The following CREM variants were observed in gnomAD, a reference collection of about 807,000 sequenced individuals.
CREM encodes the protein cAMP responsive element modulator, also known as cAMP-responsive element modulator.
CREM carries 13 observed loss-of-function variants against 37.3 expected under a neutral mutation model. The observed-to-expected ratio is 0.35, with a 90% CI of 0.23 to 0.55. CREM has a LOEUF of 0.55. Among genes scored for constraint, CREM ranks in the 20% least tolerant of loss-of-function variants. The probability of loss-of-function intolerance (pLI) is 0.88; values close to 1 mark genes in which losing one functional copy is unlikely to be tolerated. For missense variants in CREM, 296 were observed against 362.3 expected, an observed-to-expected ratio of 0.82 and a Z score of 1.49; for synonymous variants, 124 against 120.2, an observed-to-expected ratio of 1.03 and a Z score of -0.21.
At chr10:35,181,485 G>C (rs992154715) in intron 5 of CREM, among the ~76,000 whole-genome samples, 3 of 152,164 alleles carry the variant, frequency 2.0e-5, no homozygotes, top group East Asian at 1.9e-4. Flanking sequence ...ACAGCAGGGG[G>C]CTGGCCTTAA....
chr10:35,186,758 TTA>T (rs1286419101), intron 5 of CREM, among the ~76,000 whole-genome samples: 2 of 131,554 alleles, frequency 1.5e-5, no homozygotes, highest in East Asian at 2.2e-4. Context: ...TTATATATAG[TTA>T]TATATAATAT....
At chr10:35,181,337 T>C (rs532042514) in intron 5 of CREM, among the ~76,000 whole-genome samples, 2 of 152,170 alleles carry the variant, frequency 1.3e-5, no homozygotes, top group South Asian at 4.2e-4. Context: ...TGGGTAAAAG[T>C]AGGGGGAAAA....
chr10:35,159,838 G>A (rs918417940), intron 3 of CREM, among the ~76,000 whole-genome samples: 1 of 152,128 alleles, frequency 6.6e-6, no homozygotes, highest in South Asian at 2.1e-4. Flanking sequence ...GTTAATATCC[G>A]AAACACAGAA....
rs567229829 is a variant in CREM, at chr10:35,172,690, T to A, written c.169-6199T>A. 6.7e-5 allele frequency among the ~76,000 whole-genome samples: 10 copies of A among 149,652 alleles called. No individual in the cohort carries two copies. In the South Asian group the frequency reaches 2.1e-3, roughly 32 times the overall value. On this transcript the variant is annotated intron_variant, in intron 3 of 7. Coordinates refer to ENST00000685392, the MANE Select transcript of CREM (RefSeq NM_183011.2). ...TGTTTTGATATTCTGTGTCCTGAAG[T>A]GGGACAGCTGCAGAAAGCACCCCCC...
At chr10:35,139,525 C>A (rs999100820) in intron 2 of CREM, among the ~76,000 whole-genome samples, 1 of 151,986 alleles carries the variant, frequency 6.6e-6, no homozygotes, top group South Asian at 2.1e-4. Context: ...TGTTTGTTTT[C>A]GTTTTTATTG....
At chr10:35,209,351 G>T (rs535966548) in intron 7 of CREM, 30 of 985,118 alleles carry the variant, frequency 3.0e-5, no homozygotes, top group Non-Finnish European at 3.5e-5. Context: ...CTTCCTCTCC[G>T]TGCTGAGGAT....
At chr10:35,164,487 TTA>T (rs1389631719) in intron 3 of CREM, among the ~76,000 whole-genome samples, 2 of 152,242 alleles carry the variant, frequency 1.3e-5, no homozygotes, top group African/African-American at 2.4e-5. Context: ...TTGCTTAAAA[TTA>T]TATGTTTTAT....
rs1353122055 is a variant in CREM, at chr10:35,182,695, AGT to A, written c.409+3421_409+3422del. Among the ~76,000 whole-genome samples the A allele has an allele frequency of 4.6e-5, 7 of 152,318 alleles. No homozygotes were observed. The East Asian group carries it at 9.6e-4, about 21-fold the overall frequency. ...CTTACTATTATCACAAAAACTAAAA[AGT>A]GAAAGTTGGAATAGGCTGCTCCCTG... On this transcript the variant is annotated intron_variant, in intron 5 of 7. Transcript: ENST00000685392.
At chr10:35,147,089 C>T (rs1209167919) in intron 2 of CREM, among the ~76,000 whole-genome samples, 4 of 129,896 alleles carry the variant, frequency 3.1e-5, no homozygotes, top group Admixed American at 9.4e-5. Flanking sequence ...CTCGCTCTGT[C>T]GCCCAGGCTG....
intron 3 of CREM, among the ~76,000 whole-genome samples, chr10:35,169,614 A>G (rs558513952): frequency 6.6e-6 from 1 of 152,336 alleles, no homozygotes; most frequent in East Asian, 1.9e-4. Context: ...TGCCCTGGCC[A>G]GAACTGCCAA....
chr10:35,208,988 AT>A (rs2095603804), intron 7 of CREM, among the ~76,000 whole-genome samples: 1 of 152,202 alleles, frequency 6.6e-6, no homozygotes, highest in South Asian at 2.1e-4. Flanking sequence ...GGTGATTATT[AT>A]GCCCAGTTTA....
In CREM at chr10:35,133,499, A is replaced by G. The variant is rs138629789; in HGVS notation, c.-54-4283A>G. ...TTTTTTGCAGAGATAGGGTTTTACC[A>G]TGTTGGCCAGGCTGGTCTCGAACTC... is the stretch of plus-strand genomic sequence containing the variant. On this transcript the variant is annotated intron_variant, in intron 1 of 7. Coordinates refer to ENST00000685392, the MANE Select transcript of CREM (RefSeq NM_183011.2). Among the ~76,000 whole-genome samples the G allele has an allele frequency of 7.2e-3, 1,094 of 152,182 alleles. 14 individuals are homozygous for G. Among genetic ancestry groups the G allele is most frequent in the African/African-American group, 0.025 (1,031 of 41,520 alleles).
At chr10:35,191,062 CTTT>C (rs1482126721) in intron 6 of CREM, among the ~76,000 whole-genome samples, 1 of 117,640 alleles carries the variant, frequency 8.5e-6, no homozygotes, top group Admixed American at 9.0e-5. Flanking sequence ...CATTTTACTT[CTTT>C]TAACAGTTGA....
chr10:35,204,689 TA>T (rs2095479103), intron 6 of CREM, among the ~76,000 whole-genome samples: 1 of 151,680 alleles, frequency 6.6e-6, no homozygotes, highest in South Asian at 2.1e-4. Context: ...TTATAAACAA[TA>T]TTTTTATTAA....
chr10:35,192,548 C>T (rs948716400), intron 6 of CREM, among the ~76,000 whole-genome samples: 1 of 152,064 alleles, frequency 6.6e-6, no homozygotes, highest in Non-Finnish European at 1.5e-5. Context: ...GGGGTTACAC[C>T]ATGTTGGCCA....
chr10:35,155,111 G>T (rs567054232), intron 3 of CREM, among the ~76,000 whole-genome samples: 18 of 152,080 alleles, frequency 1.2e-4, no homozygotes, highest in African/African-American at 4.3e-4. Flanking sequence ...GAAAAATTTT[G>T]GTTTTATAAT....
intron 2 of CREM, among the ~76,000 whole-genome samples, chr10:35,140,102 T>A (rs2091218244): frequency 6.6e-6 from 1 of 152,170 alleles, no homozygotes; most frequent in Non-Finnish European, 1.5e-5. Flanking sequence ...CATATCTATT[T>A]TAAATTGCTA....
intron 1 of CREM, among the ~76,000 whole-genome samples, chr10:35,133,308 AT>A (rs34244298): frequency 0.045 from 6,416 of 143,152 alleles, 205 homozygotes; most frequent in African/African-American, 0.099. Context: ...CCAAAAGCAG[AT>A]TTTTTTTTTT....
At chr10:35,207,166 G>A (rs1365719354) in intron 7 of CREM, 115 bp downstream of exon 7, 1 of 1,030,768 alleles carries the variant, frequency 9.7e-7, no homozygotes, top group Non-Finnish European at 1.4e-6. Flanking sequence ...GCCAAGGCAG[G>A]CGGATCACAG....
Sources: gnomAD v4.1 joint callset for allele counts (sites outside exome capture counted in the v4.1 genomes callset) on GRCh38, gnomAD v4.1.1 for gene constraint, MANE v1.5 for transcripts, NCBI Gene and HGNC (gene_info 2026-07-23, HGNC 2026-07-21) for gene names.